VAMP1: variants seen among roughly 807,000 people sequenced by gnomAD.
VAMP1 encodes the protein vesicle associated membrane protein 1, also known as vesicle-associated membrane protein 1.
VAMP1 carries 16 observed loss-of-function variants against 19.1 expected under a neutral mutation model. The observed-to-expected ratio is 0.84, with a 90% CI of 0.57 to 1.27. The LOEUF (loss-of-function observed/expected upper bound fraction) is 1.27. Ranked by LOEUF, VAMP1 falls within the 50% of genes most tolerant of loss-of-function variation. The probability of loss-of-function intolerance (pLI) is 0.00; values close to 1 mark genes in which losing one functional copy is unlikely to be tolerated. For missense variants in VAMP1, 109 were observed against 145.4 expected (o/e 0.75, Z 1.29); for synonymous variants, 37 against 50.2 (o/e 0.74, Z 1.11).
At chr12:6,469,889 A>G (rs1945727563) in intron 1 of VAMP1, among the ~76,000 whole-genome samples, 1 of 152,200 alleles carries the variant, frequency 6.6e-6, no homozygotes, top group Non-Finnish European at 1.5e-5. Context: ...CGGTGATAGA[A>G]AAACATCTCC....
chr12:6,466,320 T>A lies in VAMP1; in HGVS notation c.34A>T (p.Thr12Ser), dbSNP rs758185488. ...CCCCCACCTGGGGCAGTCCCTTCTGTCCCTTCAGCAGGTGGCTGAGCTGGA... is the reference window on the plus strand; with the variant it reads ...CCCCCACCTGGGGCAGTCCCTTCTGACCCTTCAGCAGGTGGCTGAGCTGGA... ...SAPAQPPAEG[T>S]EGTAPGGGPP... The change falls in exon 2 of 5, where the codon ACA becomes TCA. Residue 12 changes from threonine (T) to serine (S), a missense_variant. Thr to Ser is a moderately conservative substitution (Grantham distance 58). Transcript: ENST00000396308. The A allele has an allele frequency of 3.1e-6, 5 of 1,613,894 alleles. No individual in the cohort carries two copies. The African/African-American group carries it at 6.7e-5, about 22-fold the overall frequency.
intron 1 of VAMP1, among the ~76,000 whole-genome samples, chr12:6,467,783 A>T (rs1945663812): frequency 1.3e-5 from 2 of 152,218 alleles, no homozygotes; most frequent in Non-Finnish European, 2.9e-5. Context: ...TGTGCAGCCT[A>T]GGGACTTAGT....
chr12:6,470,425 G>A (rs539977418), intron 1 of VAMP1, 105 bp downstream of exon 1: 13 of 1,552,122 alleles, frequency 8.4e-6, no homozygotes, highest in African/African-American at 1.4e-5. Context: ...AGTTCCCCGC[G>A]TTGCTGCAGC....
Position 6,464,241 on chromosome 12 carries a change from G to A in VAMP1, c.*229C>T, listed in dbSNP as rs1463601189. On this transcript the variant is annotated 3_prime_UTR_variant, in exon 5 of 5. Transcript: ENST00000396308. The stretch of plus-strand genomic sequence containing the variant: ...GTACAGAAAAAGCAGGCAGGGAGGA[G>A]GCGCCAGCTGTTGCTCTTCGGGTAA... 6.6e-7 allele frequency: 1 copy of A among 1,522,456 alleles called. No homozygotes were observed. The highest frequency in any genetic ancestry group is 8.8e-7 in the Non-Finnish European group (1 of 1,135,348). The allele number at this position is 1,522,456 out of a possible 1,614,324, so 94.3% of individuals were successfully genotyped here. A position where few individuals can be genotyped will look rare whatever the true frequency, so the allele number is the denominator to read the frequency against.
chr12:6,465,237 G>A, intron 3 of VAMP1: 1 of 460,128 alleles, frequency 2.2e-6, no homozygotes. Flanking sequence ...TACAGACTCT[G>A]GATATTTAAC....
chr12:6,464,695 A>AG, intron 4 of VAMP1, 195 bp downstream of exon 4: 4 of 1,499,664 alleles, frequency 2.7e-6, no homozygotes, highest in Non-Finnish European at 3.5e-6. Context: ...AATGCGTTGC[A>AG]GGGGGAAGGC....
At position 6,463,277 on chromosome 12, in the gene VAMP1, A is replaced by G; in HGVS notation, c.*1193T>C. The G allele has an allele frequency of 7.5e-7, 1 of 1,326,356 alleles. No homozygotes were observed. Among genetic ancestry groups the G allele is most frequent in the Non-Finnish European group, 9.7e-7 (1 of 1,034,214 alleles). 82.2% of individuals were successfully genotyped at this position (1,326,356 alleles called of 1,614,324 possible). A position where few individuals can be genotyped will look rare whatever the true frequency, so the allele number is the denominator to read the frequency against. On this transcript the variant is annotated 3_prime_UTR_variant, in exon 5 of 5. Transcript: ENST00000396308. The surrounding 1 kb of genome is among the most constrained non-coding windows in gnomAD (Gnocchi z 4.0). ...GCTCTCAAGGAGAGGGCCCCATGAC[A>G]GCACAGCAATACACAAGCACACCTG...
intron 3 of VAMP1, chr12:6,465,232 A>C: frequency 2.1e-6 from 1 of 468,208 alleles, no homozygotes; most frequent in Non-Finnish European, 4.1e-6. Context: ...AGAGATACAG[A>C]CTCTGGATAT....
At position 6,468,542 on chromosome 12, in the gene VAMP1, A is replaced by G. The variant is rs141232892; in HGVS notation, c.2+1988T>C. Among the ~76,000 whole-genome samples, 375 of 152,336 alleles carry G rather than the reference A, an allele frequency of 2.5e-3. 4 individuals are homozygous for G. Among genetic ancestry groups the G allele is most frequent in the South Asian group, 0.021 (102 of 4,828 alleles). Reference sequence around the variant, plus strand: ...TAGACAGGAAGCAAAAATGCTAGAAATTGTCCTCAATGTGCATGCATTATA... The same window carrying G: ...TAGACAGGAAGCAAAAATGCTAGAAGTTGTCCTCAATGTGCATGCATTATA... On this transcript the variant is annotated intron_variant, in intron 1 of 4. Coordinates refer to ENST00000396308, the MANE Select transcript of VAMP1 (RefSeq NM_014231.5).
rs1395996207 is a variant in VAMP1, at chr12:6,470,676, C to A, written c.-145G>T. On this transcript the variant is annotated 5_prime_UTR_variant, in exon 1 of 5. Coordinates refer to ENST00000396308, the MANE Select transcript of VAMP1 (RefSeq NM_014231.5). ...CGCGGTCTAGCTGCGCTGGAACTTA[C>A]TGCAGCTGCCGCGCCGGCCTCCGCC... The A allele has an allele frequency of 5.8e-6, 6 of 1,028,784 alleles. No individual in the cohort carries two copies. The African/African-American group carries it at 8.0e-5, about 14-fold the overall frequency. The allele number at this position is 1,028,784 out of a possible 1,614,324, so 63.7% of individuals were successfully genotyped here.
rs1472148914 is a variant in VAMP1 at position 6,462,382 on chromosome 12, G to A, written c.*2088C>T. On this transcript the variant is annotated 3_prime_UTR_variant, in exon 5 of 5. Transcript: ENST00000396308. ...GGTTAGGAAAAAAAGACAAAGAGGTGATGACAGACACACAGTGGAAACCCC... is the reference window on the plus strand; with the variant it reads ...GGTTAGGAAAAAAAGACAAAGAGGTAATGACAGACACACAGTGGAAACCCC... 9 of 505,576 alleles carry A rather than the reference G, an allele frequency of 1.8e-5. No individual in the cohort carries two copies. Among genetic ancestry groups the A allele is most frequent in the Non-Finnish European group, 2.8e-5 (8 of 283,820 alleles). The allele number at this position is 505,576 out of a possible 1,614,324, so 31.3% of individuals were successfully genotyped here.
At chr12:6,465,066 G>A in intron 3 of VAMP1, 125 bp from the exon 4 acceptor site, 2 of 1,422,220 alleles carry the variant, frequency 1.4e-6, no homozygotes. Flanking sequence ...CATCACCCAG[G>A]AGACCTGCAG....
intron 4 of VAMP1, 139 bp downstream of exon 4, chr12:6,464,751 A>C: frequency 6.5e-7 from 1 of 1,527,800 alleles, no homozygotes; most frequent in Non-Finnish European, 8.7e-7. Context: ...CCCCGTCCCG[A>C]ACCAGGTGAC....
rs1347688859 is a variant in VAMP1, at chr12:6,463,312, G to A, written c.*1158C>T. On this transcript the variant is annotated 3_prime_UTR_variant, in exon 5 of 5. Coordinates refer to ENST00000396308, the MANE Select transcript of VAMP1 (RefSeq NM_014231.5). This position sits in a 1 kb window ranked among gnomAD's most constrained non-coding sequence, Gnocchi z 4.0. ...TACACAAGCACACCTGACACAGGCT[G>A]GCACGCCTCCCCCCAAGGTGGGGCT... 3.3e-6 allele frequency: 4 copies of A among 1,208,362 alleles called. No individual in the cohort carries two copies. The highest frequency in any genetic ancestry group is 4.1e-6 in the Non-Finnish European group (4 of 965,188). 74.9% of individuals were successfully genotyped at this position (1,208,362 alleles called of 1,614,324 possible).
rs187875046 is a variant in VAMP1, at chr12:6,470,613, G to A, written c.-82C>T. The A allele has an allele frequency of 1.4e-4, 223 of 1,579,566 alleles. No homozygotes were observed. The African/African-American group carries it at 2.5e-3, about 18-fold the overall frequency. Reference sequence around the variant, plus strand: ...CGGTGAGGGACGCTGCGGCTGAAGTGGACGGAACTGCCAAGCTCCGCCTCG... The same window carrying A: ...CGGTGAGGGACGCTGCGGCTGAAGTAGACGGAACTGCCAAGCTCCGCCTCG... On this transcript the variant is annotated 5_prime_UTR_variant, in exon 1 of 5. Coordinates refer to ENST00000396308, the MANE Select transcript of VAMP1 (RefSeq NM_014231.5).
intron 3 of VAMP1, chr12:6,465,443 T>C (rs1417956614): frequency 7.2e-6 from 1 of 139,682 alleles, no homozygotes; most frequent in African/African-American, 3.2e-5. Context: ...TATATATATG[T>C]ATATATACAT....
chr12:6,462,790 G>C lies in VAMP1; in HGVS notation c.*1680C>G, dbSNP rs1407270606. ...CCCAGAGGAGAGTGGAGACCTTCGA[G>C]GGGGGCCGTTGGGAGGGTACTGACT... On this transcript the variant is annotated 3_prime_UTR_variant, in exon 5 of 5. Transcript: ENST00000396308. 2 of 1,579,594 alleles carry C rather than the reference G, an allele frequency of 1.3e-6. No individual in the cohort carries two copies. The highest frequency in any genetic ancestry group is 1.7e-6 in the Non-Finnish European group (2 of 1,159,834).
chr12:6,464,156 C>T lies in VAMP1; in HGVS notation c.*314G>A. 1 of 1,416,376 alleles carries T rather than the reference C, an allele frequency of 7.1e-7. No individual in the cohort carries two copies. Among genetic ancestry groups the T allele is most frequent in the Non-Finnish European group, 9.3e-7 (1 of 1,070,202 alleles). The allele number at this position is 1,416,376 out of a possible 1,614,324, so 87.7% of individuals were successfully genotyped here. A position where few individuals can be genotyped will look rare whatever the true frequency, so the allele number is the denominator to read the frequency against. On this transcript the variant is annotated 3_prime_UTR_variant, in exon 5 of 5. Coordinates refer to ENST00000396308, the MANE Select transcript of VAMP1 (RefSeq NM_014231.5). The stretch of plus-strand genomic sequence containing the variant: ...CTTCATGGGTACTTCGCCTCAGCCA[C>T]TCCCCTCCCTGCCCCTTCCCTTGGC...
Position 6,466,212 on chromosome 12 carries a change from G to C in VAMP1, c.129+13C>G. 6.2e-7 allele frequency: 1 copy of C among 1,614,136 alleles called. No individual in the cohort carries two copies. The highest frequency in any genetic ancestry group is 1.1e-5 in the South Asian group (1 of 91,032). Reference sequence around the variant, plus strand: ...AGATTTGGAAACTTTCAGAGAAACAGCTATCTACCTACCTCCTCCACTTGT... The same window carrying C: ...AGATTTGGAAACTTTCAGAGAAACACCTATCTACCTACCTCCTCCACTTGT... On this transcript the variant is annotated intron_variant, in intron 2 of 4. Coordinates refer to ENST00000396308, the MANE Select transcript of VAMP1 (RefSeq NM_014231.5).
Sources: allele counts gnomAD v4.1 joint callset (sites outside exome capture counted in the v4.1 genomes callset), GRCh38; gene constraint gnomAD v4.1.1; non-coding constraint Gnocchi (gnomAD v3.1); transcripts MANE v1.5; gene names NCBI Gene and HGNC (gene_info 2026-07-23, HGNC 2026-07-21).